The following FRMD6 variants were observed in gnomAD, a reference collection of about 807,000 sequenced individuals.
FRMD6 encodes the protein FERM domain-containing protein 6.
FRMD6 carries 37 observed loss-of-function variants against 73.2 expected under a neutral mutation model. The ratio of observed to expected loss-of-function variants is 0.51; its 90% CI spans 0.39 to 0.66. FRMD6 has a LOEUF of 0.66. Among genes scored for constraint, FRMD6 ranks in the 30% least tolerant of loss-of-function variants. The probability of loss-of-function intolerance (pLI) is 0.00; values close to 1 mark genes in which losing one functional copy is unlikely to be tolerated. For missense variants in FRMD6, 714 were observed against 780.5 expected (o/e 0.91, Z 1.02); for synonymous variants, 273 against 282.2 (o/e 0.97, Z 0.33).
At chr14:51,412,792 C>T in the FRMD6 span, among the ~76,000 whole-genome samples, 17 of 151,724 alleles carry the variant, frequency 1.1e-4, no homozygotes, top group Non-Finnish European at 2.9e-5. Flanking sequence ...GCGCAGTTTG[C>T]AGTGAGCTGA....
At chr14:51,455,052 T>TGA in the FRMD6 span, among the ~76,000 whole-genome samples, 21 of 150,484 alleles carry the variant, frequency 1.4e-4, no homozygotes, top group East Asian at 3.9e-4. Context: ...GGTAGTCTGT[T>TGA]GAGAGAGAGA....
At chr14:51,694,971 G>T (rs1455532542) in intron 2 of FRMD6, among the ~76,000 whole-genome samples, 9 of 148,574 alleles carry the variant, frequency 6.1e-5, no homozygotes, top group Non-Finnish European at 1.3e-4. Flanking sequence ...ATTTGTTAAA[G>T]AGCTTTACCA....
the FRMD6 span, chr14:51,436,545 A>T: frequency 1.5e-6 from 1 of 663,102 alleles, no homozygotes; most frequent in Non-Finnish European, 2.6e-6. Context: ...GTCCACTGAA[A>T]TCAAATGGAA....
chr14:51,682,355 G>A (rs1263209628), intron 1 of FRMD6, among the ~76,000 whole-genome samples: 1 of 151,532 alleles, frequency 6.6e-6, no homozygotes, highest in Non-Finnish European at 1.5e-5. Flanking sequence ...AAAACTTAGA[G>A]CAGTTTTTTG....
At chr14:51,639,612 AAC>A (rs1891732153) in intron 2 of FRMD6, among the ~76,000 whole-genome samples, 2 of 152,224 alleles carry the variant, frequency 1.3e-5, no homozygotes, top group South Asian at 4.1e-4. Context: ...TAGCATCTAA[AAC>A]ACACAGTAAA....
chr14:51,656,069 GTTA>G (rs2140126396), intron 1 of FRMD6, among the ~76,000 whole-genome samples: 1 of 152,336 alleles, frequency 6.6e-6, no homozygotes, highest in South Asian at 2.1e-4. Context: ...AATGGCTGAA[GTTA>G]TTATGAAGTT....
At chr14:51,613,574 T>A (rs1890596313) in intron 2 of FRMD6, among the ~76,000 whole-genome samples, 1 of 152,054 alleles carries the variant, frequency 6.6e-6, no homozygotes, top group Non-Finnish European at 1.5e-5. Context: ...CCAGCAATGT[T>A]AGAGGTTTCC....
the FRMD6 span, among the ~76,000 whole-genome samples, chr14:51,454,008 C>A: frequency 6.6e-6 from 1 of 152,210 alleles, no homozygotes; most frequent in Non-Finnish European, 1.5e-5. Flanking sequence ...CTGCTCCGTG[C>A]CAGTCAGTGG....
intron 1 of FRMD6, among the ~76,000 whole-genome samples, chr14:51,514,979 A>T (rs890080623): frequency 7.2e-5 from 11 of 152,180 alleles, no homozygotes; most frequent in Admixed American, 2.0e-4. Flanking sequence ...TCTTTCATCA[A>T]CCAGTAGGAG....
chr14:51,689,745 G>A lies in FRMD6; in HGVS notation c.-92G>A. 1.3e-6 allele frequency: 1 copy of A among 777,814 alleles called. No homozygotes were observed. Among genetic ancestry groups the A allele is most frequent in the South Asian group, 1.4e-5 (1 of 71,872 alleles). 48.2% of individuals were successfully genotyped at this position (777,814 alleles called of 1,614,324 possible). A position where few individuals can be genotyped will look rare whatever the true frequency, so the allele number is the denominator to read the frequency against. On this transcript the variant is annotated 5_prime_UTR_variant, in exon 2 of 14. It removes an upstream start codon present in the reference 5' UTR. Coordinates refer to ENST00000344768, the MANE Select transcript of FRMD6 (RefSeq NM_001267046.2). The stretch of plus-strand genomic sequence containing the variant: ...ATGCTTCTCCTGCAGGGCGTGTGAT[G>A]AGGAGGCGAGCTTGGCTTTGGAGTG...
chr14:51,649,011 CTT>C (rs1892203667), upstream of FRMD6, among the ~76,000 whole-genome samples: 5 of 152,204 alleles, frequency 3.3e-5, no homozygotes, highest in African/African-American at 9.6e-5. Flanking sequence ...TAAAATATAA[CTT>C]TGAATTATTA....
chr14:51,542,922 A>G (rs1475846267), intron 1 of FRMD6, among the ~76,000 whole-genome samples: 2 of 151,994 alleles, frequency 1.3e-5, no homozygotes, highest in Admixed American at 6.6e-5. Flanking sequence ...TCTTCTTTGG[A>G]GAAAATTCTA....
the FRMD6 span, among the ~76,000 whole-genome samples, chr14:51,462,729 A>G: frequency 6.6e-6 from 1 of 152,272 alleles, no homozygotes; most frequent in East Asian, 1.9e-4. Flanking sequence ...GTGAAGACCC[A>G]TAAGATCAAG....
At chr14:51,575,864 A>G (rs1390879731) in intron 2 of FRMD6, 3 of 152,200 alleles carry the variant, frequency 2.0e-5, no homozygotes, top group Non-Finnish European at 4.4e-5. Context: ...GGTATTCCCA[A>G]ATGGGACAAA....
intron 1 of FRMD6, among the ~76,000 whole-genome samples, chr14:51,549,212 T>C (rs1886642047): frequency 6.6e-6 from 1 of 152,054 alleles, no homozygotes. Flanking sequence ...GATGGATAGA[T>C]GGATGGAGGG....
intron 1 of FRMD6, among the ~76,000 whole-genome samples, chr14:51,540,819 A>G (rs1886165322): frequency 6.6e-6 from 1 of 152,166 alleles, no homozygotes; most frequent in Non-Finnish European, 1.5e-5. Context: ...AAAGTGAAAA[A>G]TATAGCTTAC....
chr14:51,687,888 A>T (rs1895278553), intron 1 of FRMD6, among the ~76,000 whole-genome samples: 1 of 152,136 alleles, frequency 6.6e-6, no homozygotes, highest in Admixed American at 6.6e-5. Context: ...AATGTATTAT[A>T]TTCAACCCTC....
chr14:51,669,472 C>T (rs899419594), intron 1 of FRMD6, among the ~76,000 whole-genome samples: 23 of 152,154 alleles, frequency 1.5e-4, no homozygotes, highest in African/African-American at 5.6e-4. Context: ...ACATTCCCAC[C>T]AGCCATGTCT....
chr14:51,479,467 C>G, the FRMD6 span, among the ~76,000 whole-genome samples: 1 of 152,200 alleles, frequency 6.6e-6, no homozygotes, highest in Non-Finnish European at 1.5e-5. Context: ...AGTCTCTGCT[C>G]TCAAGGAAGT....
Sources: allele counts gnomAD v4.1 joint callset (sites outside exome capture counted in the v4.1 genomes callset), GRCh38; gene constraint gnomAD v4.1.1; transcripts MANE v1.5; gene names NCBI Gene and HGNC (gene_info 2026-07-23, HGNC 2026-07-21).